The following SERPINI1 variants were observed in gnomAD, a reference collection of about 807,000 sequenced individuals.
The protein encoded by SERPINI1 is neuroserpin.
In SERPINI1, 19 loss-of-function variants were observed where a neutral mutation model predicts 41.1. The ratio of observed to expected loss-of-function variants is 0.46; its 90% CI spans 0.32 to 0.68. SERPINI1 has a LOEUF of 0.68. SERPINI1 is among the 30% of genes least tolerant of loss of function. The probability of loss-of-function intolerance (pLI) is 0.03; values close to 1 mark genes in which losing one functional copy is unlikely to be tolerated. For missense variants in SERPINI1, 460 were observed against 479.2 expected (o/e 0.96, Z 0.37); for synonymous variants, 138 against 156.6 (o/e 0.88, Z 0.89).
chr3:167,784,388 A>T (rs768931273), intron 1 of SERPINI1, among the ~76,000 whole-genome samples: 5 of 152,206 alleles, frequency 3.3e-5, no homozygotes, highest in Non-Finnish European at 7.3e-5. Context: ...TGATAACCTC[A>T]TGGAACCTCT....
intron 1 of SERPINI1, among the ~76,000 whole-genome samples, chr3:167,741,950 A>G (rs1725690917): frequency 6.6e-6 from 1 of 152,168 alleles, no homozygotes; most frequent in Non-Finnish European, 1.5e-5. Context: ...GATTTTGTGC[A>G]CAAGGTATAT....
At chr3:167,742,098 A>T (rs1187925005) in intron 1 of SERPINI1, among the ~76,000 whole-genome samples, 1 of 152,136 alleles carries the variant, frequency 6.6e-6, no homozygotes, top group Non-Finnish European at 1.5e-5. Flanking sequence ...AAAAAAATTT[A>T]AAATGCCAAT....
intron 1 of SERPINI1, among the ~76,000 whole-genome samples, chr3:167,749,654 C>T (rs1725981332): frequency 6.6e-6 from 1 of 152,182 alleles, no homozygotes; most frequent in Non-Finnish European, 1.5e-5. Context: ...CTGTAACACA[C>T]CTTAGAATGC....
At chr3:167,778,793 A>G (rs1390152690) in intron 1 of SERPINI1, among the ~76,000 whole-genome samples, 1 of 152,216 alleles carries the variant, frequency 6.6e-6, no homozygotes, top group Non-Finnish European at 1.5e-5. Flanking sequence ...TTCCCGAACA[A>G]GAAAGGAGTT....
At chr3:167,803,975 C>T (rs373099450) in intron 5 of SERPINI1, among the ~76,000 whole-genome samples, 5 of 152,218 alleles carry the variant, frequency 3.3e-5, no homozygotes, top group African/African-American at 1.2e-4. Context: ...TACTAAGCTC[C>T]ACATAAGTGT....
chr3:167,813,980 T>C (rs1337913460), intron 6 of SERPINI1, among the ~76,000 whole-genome samples: 2 of 152,200 alleles, frequency 1.3e-5, no homozygotes, highest in Admixed American at 1.3e-4. Flanking sequence ...TCTGAAATAC[T>C]CTCCCTTTAT....
intron 1 of SERPINI1, among the ~76,000 whole-genome samples, chr3:167,780,078 A>G (rs576262515): frequency 6.6e-6 from 1 of 152,260 alleles, no homozygotes; most frequent in South Asian, 2.1e-4. Context: ...GAAAAAATAT[A>G]TACTTCTTTA....
intron 1 of SERPINI1, among the ~76,000 whole-genome samples, chr3:167,774,514 C>G (rs1170186242): frequency 6.6e-6 from 1 of 152,072 alleles, no homozygotes; most frequent in African/African-American, 2.4e-5. Context: ...AGCAGAGGTC[C>G]CCAATCCCTG....
intron 1 of SERPINI1, among the ~76,000 whole-genome samples, chr3:167,773,636 C>G (rs893132988): frequency 6.6e-6 from 1 of 152,156 alleles, no homozygotes; most frequent in African/African-American, 2.4e-5. Flanking sequence ...TTCAGTCATT[C>G]ACACTGATGA....
rs1311278453 is a variant in SERPINI1 at position 167,796,548 on chromosome 3, C to T, written c.881+1724C>T. On this transcript the variant is annotated intron_variant, in intron 5 of 8. Transcript: ENST00000446050. The stretch of plus-strand genomic sequence containing the variant: ...ACAGGCCCCAATGTGTGTTGTTCCC[C>T]TCCCTGTGTCCATGTGTTCTAATTG... 2.0e-5 allele frequency among the ~76,000 whole-genome samples: 3 copies of T among 152,152 alleles called. No homozygotes were observed. In the East Asian group the frequency reaches 5.8e-4, roughly 29 times the overall value.
chr3:167,742,990 T>G (rs1357172414), intron 1 of SERPINI1, among the ~76,000 whole-genome samples: 1 of 152,110 alleles, frequency 6.6e-6, no homozygotes, highest in Non-Finnish European at 1.5e-5. Context: ...TAGCTAATAT[T>G]GCATCTAATA....
intron 1 of SERPINI1, among the ~76,000 whole-genome samples, chr3:167,769,598 T>G (rs1383937626): frequency 1.3e-5 from 2 of 152,196 alleles, no homozygotes; most frequent in Non-Finnish European, 2.9e-5. Context: ...CCCTAAAGAT[T>G]ATAGACATAT....
chr3:167,789,256 A>T lies in SERPINI1; in HGVS notation c.128A>T (p.Asp43Val). The change falls in exon 2 of 9, where the codon GAT becomes GTT. Residue 43 changes from aspartate to valine, a missense_variant. Transcript: ENST00000446050. ...AATCGTCTTAGAGCCACTGGTGAAGATGAAAATATTCTCTTCTCTCCATTG... is the reference window on the plus strand; with the variant it reads ...AATCGTCTTAGAGCCACTGGTGAAGTTGAAAATATTCTCTTCTCTCCATTG... The part of the protein sequence containing the change: ...MYNRLRATGE[D>V]ENILFSPLSI... 9.3e-6 allele frequency: 15 copies of T among 1,614,174 alleles called. No homozygotes were observed. The highest frequency in any genetic ancestry group is 1.3e-5 in the Non-Finnish European group (15 of 1,180,022).
rs539971930 is a variant in SERPINI1, at chr3:167,790,182, CA to C, written c.251-185del. On this transcript the variant is annotated intron_variant, in intron 2 of 8. Coordinates refer to ENST00000446050, the MANE Select transcript of SERPINI1 (RefSeq NM_001122752.2). ...AATATCAGTAGATGATATTAACTTG[CA>C]AAAAGTTAATTTGAGCATCTAGAAA... 3.9e-4 allele frequency among the ~76,000 whole-genome samples: 60 copies of C among 152,136 alleles called. No individual in the cohort carries two copies. In the East Asian group the frequency reaches 0.01, roughly 25 times the overall value.
At chr3:167,825,187 A>T (rs1255094946) in intron 8 of SERPINI1, 60 bp from the exon 9 acceptor site, 1 of 1,030,662 alleles carries the variant, frequency 9.7e-7, no homozygotes, top group African/African-American at 1.6e-5. Context: ...AGCAAGAAGG[A>T]AGATAAATAT....
intron 6 of SERPINI1, among the ~76,000 whole-genome samples, chr3:167,809,671 C>T (rs1298467926): frequency 1.3e-5 from 2 of 151,994 alleles, no homozygotes; most frequent in Non-Finnish European, 2.9e-5. Flanking sequence ...TCAAAACTTC[C>T]GTGGGAATTG....
intron 1 of SERPINI1, among the ~76,000 whole-genome samples, chr3:167,737,097 A>C (rs1249714193): frequency 1.3e-5 from 2 of 151,650 alleles, no homozygotes; most frequent in Admixed American, 1.3e-4. Flanking sequence ...CGGGATTTTA[A>C]ATTTTATTTT....
intron 1 of SERPINI1, among the ~76,000 whole-genome samples, chr3:167,766,839 A>G (rs1424470938): frequency 6.6e-6 from 1 of 152,226 alleles, no homozygotes; most frequent in African/African-American, 2.4e-5. Context: ...GAGGTTTCAG[A>G]AGAAAAGATT....
At chr3:167,762,752 T>G (rs1265053725) in intron 1 of SERPINI1, among the ~76,000 whole-genome samples, 1 of 152,218 alleles carries the variant, frequency 6.6e-6, no homozygotes, top group Non-Finnish European at 1.5e-5. Flanking sequence ...CCTTACTTTC[T>G]TATCCCCTTT....
Sources: allele counts gnomAD v4.1 joint callset (sites outside exome capture counted in the v4.1 genomes callset), GRCh38; gene constraint gnomAD v4.1.1; transcripts MANE v1.5; gene names NCBI Gene and HGNC (gene_info 2026-07-23, HGNC 2026-07-21).